VPS13B: variants seen among roughly 807,000 people sequenced by gnomAD.
VPS13B encodes intermembrane lipid transfer protein VPS13B.
Under a neutral mutation model 426.4 loss-of-function variants are expected in VPS13B, and 285 were observed. That is an observed-to-expected ratio of 0.67 (90% CI 0.61 to 0.74). VPS13B has a LOEUF of 0.74. Ranked by LOEUF, VPS13B falls within the 30% of genes least tolerant of loss-of-function variation. VPS13B has a pLI of 0.00. For missense variants in VPS13B, 4,537 were observed against 4,782.6 expected (o/e 0.95, Z 1.51); for synonymous variants, 1,676 against 1,676.4 (o/e 1.00, Z 0.01).
intron 25 of VPS13B, among the ~76,000 whole-genome samples, chr8:99,482,310 GAAATATTTTAT>G (rs1300466175): frequency 6.6e-6 from 1 of 151,680 alleles, no homozygotes; most frequent in African/African-American, 2.4e-5. Flanking sequence ...TTTTGTATAA[GAAATATTTTAT>G]AATGCCTCCT....
chr8:99,500,978 A>C (rs1821200639), intron 25 of VPS13B, among the ~76,000 whole-genome samples: 1 of 152,238 alleles, frequency 6.6e-6, no homozygotes, highest in Admixed American at 6.5e-5. Context: ...ACATATTCAG[A>C]GTTCAGTATG....
chr8:99,521,000 G>T lies in VPS13B; in HGVS notation c.4735G>T (p.Asp1579Tyr), dbSNP rs142708735. 1.6e-5 allele frequency: 26 copies of T among 1,613,260 alleles called. No individual in the cohort carries two copies. The highest frequency in any genetic ancestry group is 2.2e-5 in the Non-Finnish European group (26 of 1,179,460). Residue 1579 changes from aspartate (D) to tyrosine (Y), a missense_variant, in exon 30 of 62, where the codon GAT (aspartate) becomes TAT (tyrosine). Coordinates refer to ENST00000357162, the MANE Select transcript of VPS13B (RefSeq NM_152564.5). ...NPLGRSVLRK[D>Y]IYQRALNLGI... ...CCTTGGCAGATCTGTCCTTAGGAAA[G>T]ATATTTACCAGTAAGTTTATTTTCT...
intron 60 of VPS13B, chr8:99,871,171 G>C (rs2130974045): frequency 1.7e-6 from 1 of 604,456 alleles, no homozygotes; most frequent in African/African-American, 1.8e-5. Flanking sequence ...GAGATTCCCT[G>C]TGGAACCAGC....
At chr8:99,054,511 T>C (rs1843729342) in intron 3 of VPS13B, among the ~76,000 whole-genome samples, 1 of 152,254 alleles carries the variant, frequency 6.6e-6, no homozygotes, top group Non-Finnish European at 1.5e-5. Flanking sequence ...CTGTAGGTTG[T>C]GTTGTCACAT....
intron 14 of VPS13B, among the ~76,000 whole-genome samples, chr8:99,148,561 A>G (rs1810879461): frequency 6.6e-6 from 1 of 152,224 alleles, no homozygotes; most frequent in Non-Finnish European, 1.5e-5. Flanking sequence ...AAGTCAGACC[A>G]TATGCCAGCT....
chr8:99,334,695 G>A (rs1459527686), intron 19 of VPS13B, among the ~76,000 whole-genome samples: 2 of 152,132 alleles, frequency 1.3e-5, no homozygotes, highest in South Asian at 2.1e-4. Flanking sequence ...TGCATCCCAG[G>A]GGTGAAGCCC....
At chr8:99,681,014 A>G (rs1831133692) in intron 35 of VPS13B, among the ~76,000 whole-genome samples, 1 of 152,220 alleles carries the variant, frequency 6.6e-6, no homozygotes, top group South Asian at 2.1e-4. Context: ...AAAAAATACC[A>G]GACACTATTT....
At chr8:99,484,666 G>A (rs1256601537) in intron 25 of VPS13B, among the ~76,000 whole-genome samples, 1 of 152,016 alleles carries the variant, frequency 6.6e-6, no homozygotes, top group Non-Finnish European at 1.5e-5. Flanking sequence ...AAACCCAGAT[G>A]CACACATAGT....
chr8:99,272,605 A>G (rs1393426681), intron 17 of VPS13B, among the ~76,000 whole-genome samples: 1 of 152,140 alleles, frequency 6.6e-6, no homozygotes, highest in Non-Finnish European at 1.5e-5. Flanking sequence ...CTTTGCCTGT[A>G]TAATTCTCAC....
intron 22 of VPS13B, among the ~76,000 whole-genome samples, chr8:99,438,484 T>C (rs1255839486): frequency 6.6e-6 from 1 of 152,178 alleles, no homozygotes; most frequent in Non-Finnish European, 1.5e-5. Context: ...TTCTTACTTA[T>C]AGGCATTGAA....
At chr8:99,778,620 T>C (rs574647783) in intron 41 of VPS13B, 62 bp from the exon 42 acceptor site, 7 of 1,475,418 alleles carry the variant, frequency 4.7e-6, no homozygotes, top group South Asian at 4.6e-5. Context: ...CATTTCACTC[T>C]TTATTTTCAC....
intron 33 of VPS13B, among the ~76,000 whole-genome samples, chr8:99,601,392 T>C (rs1181535490): frequency 6.6e-6 from 1 of 152,248 alleles, no homozygotes; most frequent in Non-Finnish European, 1.5e-5. Flanking sequence ...CTTTATCCAG[T>C]CTGTCATTGA....
intron 31 of VPS13B, among the ~76,000 whole-genome samples, chr8:99,559,772 G>A (rs1047632647): frequency 6.6e-6 from 1 of 152,258 alleles, no homozygotes; most frequent in East Asian, 1.9e-4. Context: ...CTATATCTCT[G>A]TTTTGGTACC....
intron 16 of VPS13B, among the ~76,000 whole-genome samples, chr8:99,170,595 A>G (rs1340136191): frequency 6.6e-6 from 1 of 151,970 alleles, no homozygotes; most frequent in East Asian, 1.9e-4. Flanking sequence ...GTAGAGTTAG[A>G]ATGTATTTAC....
intron 24 of VPS13B, among the ~76,000 whole-genome samples, chr8:99,475,995 T>C (rs1819670002): frequency 6.6e-6 from 1 of 152,250 alleles, no homozygotes; most frequent in Non-Finnish European, 1.5e-5. Context: ...TGTGTTAAAC[T>C]GTCACCACCT....
chr8:99,742,744 A>G (rs1227292237), intron 39 of VPS13B, among the ~76,000 whole-genome samples: 1 of 152,226 alleles, frequency 6.6e-6, no homozygotes, highest in East Asian at 1.9e-4. Context: ...ATCTCAATAG[A>G]TGCAGAAAAG....
intron 34 of VPS13B, among the ~76,000 whole-genome samples, chr8:99,661,119 T>C (rs1324909868): frequency 6.6e-6 from 1 of 152,100 alleles, no homozygotes; most frequent in Non-Finnish European, 1.5e-5. Context: ...GATTTGAACA[T>C]TTTTTTCCTC....
At chr8:99,392,606 T>C (rs541143402) in intron 21 of VPS13B, among the ~76,000 whole-genome samples, 95 of 152,184 alleles carry the variant, frequency 6.2e-4, no homozygotes, top group African/African-American at 2.2e-3. Flanking sequence ...ATTAAGAAGA[T>C]CCCTACCCTT....
intron 13 of VPS13B, among the ~76,000 whole-genome samples, chr8:99,147,243 C>CTGGGATTACA (rs1295710780): frequency 6.6e-6 from 1 of 152,064 alleles, no homozygotes; most frequent in Non-Finnish European, 1.5e-5. Flanking sequence ...TCCCGAGTAG[C>CTGGGATTACA]TGGGATTACA....
Sources: gnomAD v4.1 joint callset for allele counts (sites outside exome capture counted in the v4.1 genomes callset) on GRCh38, gnomAD v4.1.1 for gene constraint, MANE v1.5 for transcripts, NCBI Gene and HGNC (gene_info 2026-07-23, HGNC 2026-07-21) for gene names.